PREX1: variants seen among roughly 807,000 people sequenced by gnomAD.
PREX1 encodes the protein phosphatidylinositol-3,4,5-trisphosphate dependent Rac exchange factor 1.
PREX1 carries 41 observed loss-of-function variants against 198.3 expected under a neutral mutation model. That is an observed-to-expected ratio of 0.21 (90% CI 0.16 to 0.27). PREX1 has a LOEUF of 0.27. Among genes scored for constraint, PREX1 ranks in the 10% least tolerant of loss-of-function variants. The pLI is 1.00. For missense variants in PREX1, 1,620 were observed against 2,200.7 expected (o/e 0.74, Z 5.28); for synonymous variants, 843 against 887.2 (o/e 0.95, Z 0.89).
rs147652874 is a variant in PREX1 at position 48,819,762 on chromosome 20, G to T, written c.219+7880C>A. On this transcript the variant is annotated intron_variant, in intron 1 of 39. Coordinates refer to ENST00000371941, the MANE Select transcript of PREX1 (RefSeq NM_020820.4). ...TGCGGTGTCTGAAGATTCCCTGAGG[G>T]CAGAGACCTTGTCTGTCTTGTTCCA... 3.6e-3 allele frequency among the ~76,000 whole-genome samples: 542 copies of T among 152,380 alleles called. 3 individuals carry two copies. The highest frequency in any genetic ancestry group is 0.012 in the African/African-American group (506 of 41,588).
intron 1 of PREX1, among the ~76,000 whole-genome samples, chr20:48,811,648 G>A (rs1272142875): frequency 1.5e-5 from 2 of 135,968 alleles, no homozygotes; most frequent in Non-Finnish European, 3.2e-5. Context: ...ACACACGTAC[G>A]TGTGCATGCA....
chr20:48,872,241 G>A, the PREX1 span, among the ~76,000 whole-genome samples: 2 of 152,168 alleles, frequency 1.3e-5, no homozygotes, highest in African/African-American at 4.8e-5. Context: ...AGAGCAGTGG[G>A]CAGAATCATC....
intron 1 of PREX1, among the ~76,000 whole-genome samples, chr20:48,799,532 G>A (rs1351889455): frequency 6.6e-6 from 1 of 152,236 alleles, no homozygotes; most frequent in Admixed American, 6.5e-5. Flanking sequence ...AAAAGCGTTA[G>A]CTGGTTCAAA....
At chr20:48,760,822 G>A (rs893740766) in intron 1 of PREX1, among the ~76,000 whole-genome samples, 2 of 152,112 alleles carry the variant, frequency 1.3e-5, no homozygotes, top group African/African-American at 2.4e-5. Context: ...AAGGACTTAT[G>A]CATTCTTACA....
chr20:48,858,020 G>A, the PREX1 span, among the ~76,000 whole-genome samples: 2 of 152,254 alleles, frequency 1.3e-5, no homozygotes, highest in African/African-American at 2.4e-5. Context: ...AGCAGACCTG[G>A]GGAGGGTACG....
At chr20:48,634,876 T>G in intron 32 of PREX1, 101 bp from the exon 33 acceptor site, 3 of 956,482 alleles carry the variant, frequency 3.1e-6, no homozygotes. Context: ...CTCCACACTG[T>G]GGGCCCCCTG....
At chr20:48,688,218 A>G (rs1229920790) in intron 10 of PREX1, among the ~76,000 whole-genome samples, 1 of 152,138 alleles carries the variant, frequency 6.6e-6, no homozygotes, top group Admixed American at 6.5e-5. Context: ...TCTTTTCCCA[A>G]GTGCTACAGC....
chr20:48,885,843 A>G, the PREX1 span, among the ~76,000 whole-genome samples: 1 of 152,184 alleles, frequency 6.6e-6, no homozygotes, highest in African/African-American at 2.4e-5. Context: ...CAACGACATG[A>G]CATTCTGGAA....
rs528271441 is a variant in PREX1, at chr20:48,651,664, C to A, written c.2468-81G>T. The A allele has an allele frequency of 2.1e-6, 3 of 1,418,546 alleles. No homozygotes were observed. The East Asian group carries it at 7.0e-5, about 33-fold the overall frequency. 87.9% of individuals were successfully genotyped at this position (1,418,546 alleles called of 1,614,324 possible). On this transcript the variant is annotated intron_variant, in intron 21 of 39. Transcript: ENST00000371941. ...AGGCGAGGAGGATTCTGGAGGAAGC[C>A]TTCCAGGCAGTGGGAACAGCAAGTG...
chr20:48,693,230 C>T (rs1362537947), intron 7 of PREX1, among the ~76,000 whole-genome samples: 1 of 152,184 alleles, frequency 6.6e-6, no homozygotes, highest in Admixed American at 6.5e-5. Flanking sequence ...ATCCATCATC[C>T]ACCTTCCCAG....
At chr20:48,657,362 C>G (rs1488674100) in intron 17 of PREX1, among the ~76,000 whole-genome samples, 174 bp from the exon 18 acceptor site, 1 of 152,194 alleles carries the variant, frequency 6.6e-6, no homozygotes. Context: ...GGACCTGGTT[C>G]TGCCTCATGA....
the PREX1 span, among the ~76,000 whole-genome samples, chr20:48,865,976 A>C: frequency 6.8e-6 from 1 of 146,914 alleles, no homozygotes; most frequent in African/African-American, 2.5e-5. Flanking sequence ...TTGAGACAGG[A>C]TCTCACTCTG....
intron 36 of PREX1, among the ~76,000 whole-genome samples, chr20:48,630,245 C>G (rs538846161): frequency 2.6e-5 from 4 of 152,220 alleles, no homozygotes; most frequent in Non-Finnish European, 5.9e-5. Context: ...AGGAGCCGAA[C>G]TATCGAGGCC....
At chr20:48,765,226 T>C (rs6063320) in intron 1 of PREX1, among the ~76,000 whole-genome samples, 3 of 152,264 alleles carry the variant, frequency 2.0e-5, no homozygotes, top group Admixed American at 6.5e-5. Flanking sequence ...ATACATTTCA[T>C]ACATTGTTTG....
intron 1 of PREX1, among the ~76,000 whole-genome samples, chr20:48,792,882 T>C (rs1220249444): frequency 1.3e-5 from 2 of 151,078 alleles, no homozygotes; most frequent in African/African-American, 4.9e-5. Context: ...TATCCATTTA[T>C]ATGAAATGTC....
chr20:48,697,847 G>A (rs1339638392), intron 7 of PREX1, among the ~76,000 whole-genome samples: 1 of 152,166 alleles, frequency 6.6e-6, no homozygotes, highest in East Asian at 1.9e-4. Context: ...GACACCCAAG[G>A]AGCCTCTGCT....
At chr20:48,876,519 G>A in the PREX1 span, among the ~76,000 whole-genome samples, 2 of 152,308 alleles carry the variant, frequency 1.3e-5, no homozygotes, top group Admixed American at 1.3e-4. Context: ...TGGGATGGGT[G>A]GTGGTTGAGG....
At chr20:48,760,018 G>A (rs1159567789) in intron 1 of PREX1, among the ~76,000 whole-genome samples, 3 of 151,822 alleles carry the variant, frequency 2.0e-5, no homozygotes, top group Admixed American at 2.0e-4. Context: ...AGGCTGAGGT[G>A]AGAGCATCAC....
At chr20:48,641,978 C>G (rs1354311383) in intron 29 of PREX1, 190 bp downstream of exon 29, 2 of 511,498 alleles carry the variant, frequency 3.9e-6, no homozygotes, top group Non-Finnish European at 7.0e-6. Context: ...GAAAAAGAAC[C>G]ATTCTTGGCT....
Sources: allele counts gnomAD v4.1 joint callset (sites outside exome capture counted in the v4.1 genomes callset), GRCh38; gene constraint gnomAD v4.1.1; transcripts MANE v1.5; gene names NCBI Gene and HGNC (gene_info 2026-07-23, HGNC 2026-07-21).